ADAMTS17: variants seen among roughly 807,000 people sequenced by gnomAD.
ADAMTS17 encodes ADAM metallopeptidase with thrombospondin type 1 motif 17, also known as A disintegrin and metalloproteinase with thrombospondin motifs 17.
In ADAMTS17, 113 loss-of-function variants were observed where a neutral mutation model predicts 141.5. The observed-to-expected ratio is 0.80, with a 90% CI of 0.69 to 0.93. The LOEUF (loss-of-function observed/expected upper bound fraction) is 0.93. ADAMTS17 is among the 40% of genes least tolerant of loss of function. The probability of loss-of-function intolerance (pLI) is 0.00; values close to 1 mark genes in which losing one functional copy is unlikely to be tolerated. For missense variants in ADAMTS17, 1,659 were observed against 1,517.9 expected (o/e 1.09, Z -1.54); for synonymous variants, 768 against 630.6 (o/e 1.22, Z -3.27).
chr15:100,179,857 C>T (rs186001846), intron 8 of ADAMTS17, among the ~76,000 whole-genome samples: 21 of 152,232 alleles, frequency 1.4e-4, no homozygotes, highest in Admixed American at 4.6e-4. Context: ...ATCTTTTGCG[C>T]GTTTTTAAAT....
Position 100,065,696 on chromosome 15 carries a change from T to C in ADAMTS17, c.2138-11642A>G, listed in dbSNP as rs565108592. 3.3e-5 allele frequency among the ~76,000 whole-genome samples: 5 copies of C among 152,308 alleles called. No homozygotes were observed. In the South Asian group the frequency reaches 8.3e-4, roughly 25 times the overall value. On this transcript the variant is annotated intron_variant, in intron 15 of 21. Transcript: ENST00000268070. ...GATAGGTATCATTAATCTATCAGGT[T>C]AGGGACATTCTCTTGTTTAAATTTT...
At chr15:100,010,978 C>T (rs2061154533) in intron 18 of ADAMTS17, among the ~76,000 whole-genome samples, 1 of 152,048 alleles carries the variant, frequency 6.6e-6, no homozygotes, top group Non-Finnish European at 1.5e-5. Context: ...CTGTGAGGAG[C>T]ACGGCACCAT....
chr15:100,133,408 A>T, intron 10 of ADAMTS17, 93 bp from the exon 11 acceptor site: 1 of 1,316,208 alleles, frequency 7.6e-7, no homozygotes, highest in Non-Finnish European at 1.1e-6. Context: ...CACTGTTTCA[A>T]ATTTGGGATT....
chr15:100,262,500 C>A, intron 4 of ADAMTS17, 65 bp from the exon 5 acceptor site: 1 of 1,228,472 alleles, frequency 8.1e-7, no homozygotes, highest in Non-Finnish European at 1.2e-6. Context: ...CAGTAGTATC[C>A]TAGATGGGAA....
In ADAMTS17 at chr15:99,972,994, T is replaced by TAGAACATAAGCACCCATGAA. The variant is rs2060242639; in HGVS notation, c.*1388_*1407dup. On this transcript the variant is annotated 3_prime_UTR_variant, in exon 22 of 22. Coordinates refer to ENST00000268070, the MANE Select transcript of ADAMTS17 (RefSeq NM_139057.4). Reference sequence around the variant, plus strand: ...GGAGGTGTTATTTACGGTAAAGTCCTAGAACATAAGCACCCATGAAATGCC... The same window carrying TAGAACATAAGCACCCATGAA: ...GGAGGTGTTATTTACGGTAAAGTCCTAGAACATAAGCACCCATGAAAGAACATAAGCACCCATGAAATGCC... 1 of 152,158 alleles carries TAGAACATAAGCACCCATGAA rather than the reference T, an allele frequency of 6.6e-6. No individual in the cohort carries two copies. Among genetic ancestry groups the TAGAACATAAGCACCCATGAA allele is most frequent in the Non-Finnish European group, 1.5e-5 (1 of 68,032 alleles). The allele number at this position is 152,158 out of a possible 1,614,324, so 9.4% of individuals were successfully genotyped here.
chr15:100,240,191 G>A (rs1348798036), intron 7 of ADAMTS17, among the ~76,000 whole-genome samples: 1 of 152,194 alleles, frequency 6.6e-6, no homozygotes, highest in African/African-American at 2.4e-5. Context: ...ATGGAGACTG[G>A]GAAGCTGCTG....
At chr15:100,216,334 A>G (rs1009066108) in intron 7 of ADAMTS17, among the ~76,000 whole-genome samples, 1 of 152,274 alleles carries the variant, frequency 6.6e-6, no homozygotes, top group Non-Finnish European at 1.5e-5. Flanking sequence ...CAAAAGGCAC[A>G]GGACAATTTC....
At chr15:100,301,416 C>T (rs1260059403) in intron 3 of ADAMTS17, among the ~76,000 whole-genome samples, 1 of 151,848 alleles carries the variant, frequency 6.6e-6, no homozygotes, top group Admixed American at 6.6e-5. Flanking sequence ...GCTCCACCTC[C>T]CAGGTTCACA....
chr15:99,988,999 G>C (rs1203741189), intron 20 of ADAMTS17, among the ~76,000 whole-genome samples: 7 of 152,176 alleles, frequency 4.6e-5, no homozygotes, highest in Non-Finnish European at 7.3e-5. Context: ...CTCAGAACAG[G>C]AATGGTGATG....
At chr15:100,057,708 C>T (rs1320801286) in intron 15 of ADAMTS17, among the ~76,000 whole-genome samples, 2 of 152,278 alleles carry the variant, frequency 1.3e-5, no homozygotes, top group East Asian at 1.9e-4. Context: ...CAACCCCAAA[C>T]AGGGGGACTT....
Position 100,251,842 on chromosome 15 carries a change from G to A in ADAMTS17, c.1075+2294C>T, listed in dbSNP as rs184219708. Among the ~76,000 whole-genome samples the A allele has an allele frequency of 3.9e-4, 60 of 152,296 alleles. No individual in the cohort carries two copies. The East Asian group carries it at 6.8e-3, about 17-fold the overall frequency. On this transcript the variant is annotated intron_variant, in intron 7 of 21. Transcript: ENST00000268070. ...AGGAGGAGAGAGAACAGGCAGGTGC[G>A]CACACAGAGGAAAGGCCACAAGAGG...
chr15:99,976,574 G>A, intron 20 of ADAMTS17: 1 of 430,118 alleles, frequency 2.3e-6, no homozygotes, highest in Non-Finnish European at 4.4e-6. Context: ...GCAAAATGCA[G>A]ATGTTGGAGC....
At position 99,976,194 on chromosome 15, in the gene ADAMTS17, T is replaced by C. The variant is rs1250953124; in HGVS notation, c.2978A>G (p.Gln993Arg). 6.5e-7 allele frequency: 1 copy of C among 1,548,816 alleles called. No individual in the cohort carries two copies. Among genetic ancestry groups the C allele is most frequent in the Non-Finnish European group, 8.7e-7 (1 of 1,146,990 alleles). ...TCSSTCGKGL[Q>R]SRVVQCMHKV... ...GTGCATGCACTGCACCACCCGGGAC[T>C]GCAGGCCCTTCCCGCAGGTCGACGA... The change falls in exon 21 of 22, where the codon CAG (glutamine) becomes CGG (arginine). Residue 993 changes from glutamine to arginine, a missense_variant. Coordinates refer to ENST00000268070, the MANE Select transcript of ADAMTS17 (RefSeq NM_139057.4).
chr15:100,264,229 T>C (rs1232926885), intron 4 of ADAMTS17, among the ~76,000 whole-genome samples: 1 of 152,208 alleles, frequency 6.6e-6, no homozygotes, highest in Non-Finnish European at 1.5e-5. Context: ...AGTCACATAT[T>C]CATGTCCTAT....
At chr15:100,019,495 T>C (rs148092142) in intron 18 of ADAMTS17, among the ~76,000 whole-genome samples, 80 of 152,342 alleles carry the variant, frequency 5.3e-4, no homozygotes, top group African/African-American at 1.8e-3. Context: ...ACAGAAGCTA[T>C]AGTCAGGCTG....
Position 100,155,338 on chromosome 15 carries a change from G to C in ADAMTS17, c.1182-18C>G, listed in dbSNP as rs770305949. 3 of 1,610,938 alleles carry C rather than the reference G, an allele frequency of 1.9e-6. No homozygotes were observed. Among genetic ancestry groups the C allele is most frequent in the East Asian group, 2.2e-5 (1 of 44,830 alleles). On this transcript the variant is annotated intron_variant, in intron 8 of 21. Coordinates refer to ENST00000268070, the MANE Select transcript of ADAMTS17 (RefSeq NM_139057.4). ...TGCCCAAGCTGTCCAAGAAGGAGGA[G>C]AGAGGGATGCTTATGCTACAAGCTT...
intron 6 of ADAMTS17, among the ~76,000 whole-genome samples, chr15:100,260,235 G>A (rs111771352): frequency 0.013 from 2,047 of 152,294 alleles, 51 homozygotes; most frequent in African/African-American, 0.046. Flanking sequence ...GAGACGTCAT[G>A]GGGCTCAGAG....
chr15:100,016,990 G>A (rs1012072228), intron 18 of ADAMTS17, among the ~76,000 whole-genome samples: 6 of 152,152 alleles, frequency 3.9e-5, no homozygotes, highest in East Asian at 3.9e-4. Flanking sequence ...TTCAAGTGTG[G>A]GCAGGGGTGG....
chr15:100,267,140 G>A (rs554654763), intron 4 of ADAMTS17, among the ~76,000 whole-genome samples: 11 of 152,092 alleles, frequency 7.2e-5, no homozygotes, highest in South Asian at 2.1e-4. Flanking sequence ...CTATACTCAT[G>A]AAACACTAAC....
Sources: allele counts gnomAD v4.1 joint callset (sites outside exome capture counted in the v4.1 genomes callset), GRCh38; gene constraint gnomAD v4.1.1; transcripts MANE v1.5; gene names NCBI Gene and HGNC (gene_info 2026-07-23, HGNC 2026-07-21).